PPP1R16A: variants seen among roughly 807,000 people sequenced by gnomAD.
PPP1R16A encodes myosin phosphatase-targeting subunit 3.
A neutral mutation model predicts 46.6 loss-of-function variants in PPP1R16A; 39 were observed. That is an observed-to-expected ratio of 0.84 (90% CI 0.65 to 1.09). The LOEUF is 1.09. Ranked by LOEUF, PPP1R16A falls within the 50% of genes least tolerant of loss-of-function variation. PPP1R16A has a pLI of 0.00. For missense variants in PPP1R16A, 798 were observed against 735.6 expected (o/e 1.08, Z -0.98); for synonymous variants, 413 against 321.5 (o/e 1.28, Z -3.04).
intron 1 of PPP1R16A, among the ~76,000 whole-genome samples, chr8:144,480,676 G>A (rs1392595264): frequency 6.6e-6 from 1 of 151,816 alleles, no homozygotes; most frequent in East Asian, 1.9e-4. Context: ...AGTAGAGATG[G>A]GATTTCACCG....
In PPP1R16A at chr8:144,496,979, A is replaced by G; in HGVS notation, c.-216A>G. Reference sequence around the variant, plus strand: ...GGGAGCAGGTTTGGGGTGCCCTCCCACACTGCCCTCCCTGCCCCGGCCCAT... The same window carrying G: ...GGGAGCAGGTTTGGGGTGCCCTCCCGCACTGCCCTCCCTGCCCCGGCCCAT... On this transcript the variant is annotated 5_prime_UTR_variant, in exon 3 of 12. Transcript: ENST00000435887. The G allele has an allele frequency of 1.6e-6, 1 of 635,214 alleles. No homozygotes were observed. Among genetic ancestry groups the G allele is most frequent in the South Asian group, 1.9e-5 (1 of 51,422 alleles). 39.3% of individuals were successfully genotyped at this position (635,214 alleles called of 1,614,324 possible). A position where few individuals can be genotyped will look rare whatever the true frequency, so the allele number is the denominator to read the frequency against.
chr8:144,501,233 A>T lies in PPP1R16A; in HGVS notation c.1142A>T (p.Glu381Val). Reference sequence around the variant, plus strand: ...CAACAGCCGCCGCCCACCAGCCCGGAGCCGCCCGAGGACAACGATGACCGC... The same window carrying T: ...CAACAGCCGCCGCCCACCAGCCCGGTGCCGCCCGAGGACAACGATGACCGC... ...VWQQPPPTSP[E>V]PPEDNDDRQT... Residue 381 changes from glutamate (E) to valine (V), a missense_variant, in exon 11 of 12, where the codon GAG (glutamate) becomes GTG (valine). Coordinates refer to ENST00000435887, the MANE Select transcript of PPP1R16A (RefSeq NM_001329443.2). 6.2e-7 allele frequency: 1 copy of T among 1,606,298 alleles called. No individual in the cohort carries two copies. The highest frequency in any genetic ancestry group is 1.7e-4 in the Middle Eastern group (1 of 6,058).
chr8:144,497,246 A>C lies in PPP1R16A; in HGVS notation c.52A>C (p.Ser18Arg). 1 of 1,606,326 alleles carries C rather than the reference A, an allele frequency of 6.2e-7. No homozygotes were observed. Residue 18 changes from serine to arginine, a missense_variant, in exon 3 of 12, where the codon AGC (serine) becomes CGC (arginine). By Grantham distance (110) the Ser-to-Arg change is moderately radical (BLOSUM62 -1). Transcript: ENST00000435887. ...AGAGATGCCCATGGTGGGCAGGATG[A>C]GCACACAGGAGCGGCTGAAGCATGC... ...LAEMPMVGRMSTQERLKHAQK... is the reference protein window; with the variant it reads ...LAEMPMVGRMRTQERLKHAQK...
chr8:144,500,736 G>C lies in PPP1R16A; in HGVS notation c.882G>C (p.Lys294Asn). The C allele has an allele frequency of 6.2e-7, 1 of 1,611,958 alleles. No homozygotes were observed. Among genetic ancestry groups the C allele is most frequent in the South Asian group, 1.1e-5 (1 of 91,030 alleles). Residue 294 changes from lysine (K) to asparagine (N), a missense_variant, in exon 9 of 12, where the codon AAG becomes AAC. Coordinates refer to ENST00000435887, the MANE Select transcript of PPP1R16A (RefSeq NM_001329443.2). ...CGCACGGGGCCGACCTGAACGCAAA[G>C]TCCCTGATGGACGAGACGCCCCTTG... ...LVAHGADLNA[K>N]SLMDETPLDV...
intron 1 of PPP1R16A, among the ~76,000 whole-genome samples, chr8:144,480,374 G>T (rs1447796915): frequency 6.6e-6 from 1 of 152,186 alleles, no homozygotes; most frequent in Non-Finnish European, 1.5e-5. Flanking sequence ...GAGTGCGGTT[G>T]CACAATCTCC....
chr8:144,492,205 C>T (rs940500970), intron 2 of PPP1R16A, among the ~76,000 whole-genome samples: 2 of 152,160 alleles, frequency 1.3e-5, no homozygotes, highest in African/African-American at 2.4e-5. Context: ...TTTCACCCTG[C>T]GATGTGCGGC....
intron 3 of PPP1R16A, chr8:144,497,659 T>C (rs1375717439): frequency 1.4e-6 from 1 of 727,376 alleles, no homozygotes; most frequent in East Asian, 2.7e-5. Context: ...GAGGTGAGCC[T>C]GTGCGGGACA....
chr8:144,501,651 C>T lies in PPP1R16A; in HGVS notation c.1335C>T (p.His445=). Residue 445 remains histidine (H), a synonymous_variant, in exon 12 of 12, where the codon CAC becomes CAT. Transcript: ENST00000435887. Reference sequence around the variant, plus strand: ...GCCCCCTGGACAGCACCACCCCCCACACCCTGGTCCACGACAAGGCCCACC... The same window carrying T: ...GCCCCCTGGACAGCACCACCCCCCATACCCTGGTCCACGACAAGGCCCACC... ...QLSPLDSTTP[H]TLVHDKAHHT... The T allele has an allele frequency of 1.9e-6, 3 of 1,610,820 alleles. No individual in the cohort carries two copies. The highest frequency in any genetic ancestry group is 1.7e-6 in the Non-Finnish European group (2 of 1,178,988).
chr8:144,491,963 A>C (rs925936424), intron 2 of PPP1R16A, among the ~76,000 whole-genome samples: 1 of 152,162 alleles, frequency 6.6e-6, no homozygotes, highest in Non-Finnish European at 1.5e-5. Flanking sequence ...CAACAACAAA[A>C]CAACCAAGTC....
rs562613900 is a variant in PPP1R16A, at chr8:144,498,638, C to T, written c.260-132C>T. ...ATGCCTGGTGCTTCTGCCCCCACCC[C>T]TGGGCTCTGGTGTGCCTCCTGCCAT... On this transcript the variant is annotated intron_variant, in intron 3 of 11. Transcript: ENST00000435887. 1.5e-4 allele frequency: 130 copies of T among 869,082 alleles called. No homozygotes were observed. In the African/African-American group the frequency reaches 2.1e-3, roughly 14 times the overall value. 53.8% of individuals were successfully genotyped at this position (869,082 alleles called of 1,614,324 possible).
At chr8:144,497,807 GCTT>G in intron 3 of PPP1R16A, 1 of 409,304 alleles carries the variant, frequency 2.4e-6, no homozygotes, top group Non-Finnish European at 4.7e-6. Context: ...AGTCATTGCT[GCTT>G]CTTGTTAGGC....
intron 1 of PPP1R16A, among the ~76,000 whole-genome samples, chr8:144,482,082 G>A (rs1040872755): frequency 5.9e-5 from 9 of 151,908 alleles, no homozygotes; most frequent in Non-Finnish European, 8.8e-5. Flanking sequence ...GGCTGCCGCC[G>A]CCGCCGCCGC....
At chr8:144,490,728 A>C (rs1825780052) in intron 2 of PPP1R16A, among the ~76,000 whole-genome samples, 1 of 152,228 alleles carries the variant, frequency 6.6e-6, no homozygotes, top group Non-Finnish European at 1.5e-5. Context: ...CCAGCACTGC[A>C]GCCACTAACC....
chr8:144,499,388 G>A (rs1184467151), intron 5 of PPP1R16A: 3 of 360,850 alleles, frequency 8.3e-6, no homozygotes, highest in African/African-American at 2.1e-5. Context: ...GAGTGAGGAG[G>A]CCAGGTGGCT....
chr8:144,500,144 C>T lies in PPP1R16A; in HGVS notation c.525C>T (p.Asp175=), dbSNP rs1021276043. The T allele has an allele frequency of 5.0e-6, 8 of 1,612,352 alleles. No homozygotes were observed. Among genetic ancestry groups the T allele is most frequent in the African/African-American group, 1.3e-5 (1 of 74,926 alleles). ...ACACCGACGGGAACATGCCCTATGA[C>T]CTGTGTGATGATGAGCAGACGCTGG... ...AVNTDGNMPY[D]LCDDEQTLDC... Residue 175 remains aspartate, a synonymous_variant, in exon 6 of 12, where the codon GAC becomes GAT. Transcript: ENST00000435887.
Position 144,500,981 on chromosome 8 carries a change from GC to G in PPP1R16A, c.1037+15del, listed in dbSNP as rs2130556797. 1.4e-6 allele frequency: 2 copies of G among 1,437,442 alleles called. No homozygotes were observed. The highest frequency in any genetic ancestry group is 2.8e-5 in the East Asian group (1 of 35,254). 89.0% of individuals were successfully genotyped at this position (1,437,442 alleles called of 1,614,324 possible). ...GCGCCGGCAGCCGCGGGTGAGCGCC[GC>G]CCCCAGCAGGCCCCGCCCCGGGCTT... On this transcript the variant is annotated intron_variant, in intron 10 of 11. Coordinates refer to ENST00000435887, the MANE Select transcript of PPP1R16A (RefSeq NM_001329443.2).
At chr8:144,489,030 C>A (rs1825708107) in intron 1 of PPP1R16A, among the ~76,000 whole-genome samples, 2 of 151,068 alleles carry the variant, frequency 1.3e-5, no homozygotes, top group Admixed American at 6.6e-5. Flanking sequence ...ATGGTGAAAC[C>A]CGCTCTCTAC....
intron 1 of PPP1R16A, among the ~76,000 whole-genome samples, chr8:144,486,358 C>A (rs139472975): frequency 6.6e-6 from 1 of 152,158 alleles, no homozygotes; most frequent in African/African-American, 2.4e-5. Flanking sequence ...TGAGCCACCA[C>A]GCCTGACTTA....
intron 1 of PPP1R16A, among the ~76,000 whole-genome samples, chr8:144,486,572 G>A (rs1049553701): frequency 2.6e-5 from 4 of 152,274 alleles, no homozygotes; most frequent in African/African-American, 9.6e-5. Flanking sequence ...GCGGTATCTC[G>A]CTGTGGCTCT....
Sources: allele counts gnomAD v4.1 joint callset (sites outside exome capture counted in the v4.1 genomes callset), GRCh38; gene constraint gnomAD v4.1.1; transcripts MANE v1.5; gene names NCBI Gene and HGNC (gene_info 2026-07-23, HGNC 2026-07-21).